Variants in TMEM63A observed in about 807,000 individuals in gnomAD.
TMEM63A encodes mechanosensitive cation channel TMEM63A.
In TMEM63A, 76 loss-of-function variants were observed where a neutral mutation model predicts 100.6. The observed-to-expected ratio is 0.76, with a 90% CI of 0.63 to 0.91. The LOEUF is 0.91. Ranked by LOEUF, TMEM63A falls within the 40% of genes least tolerant of loss-of-function variation. The pLI, the probability that TMEM63A is intolerant of heterozygous loss-of-function variation, is 0.00. For missense variants in TMEM63A, 876 were observed against 1,008.8 expected (o/e 0.87, Z 1.78); for synonymous variants, 401 against 401.1 (o/e 1.00, Z 0.00).
chr1:225,842,313 A>G, downstream of TMEM63A: 2 of 1,339,660 alleles, frequency 1.5e-6, no homozygotes, highest in South Asian at 2.3e-5. Flanking sequence ...CTGAAGCTCC[A>G]GCTCTCTGGT....
chr1:225,864,802 A>AAAT (rs1407002392), intron 10 of TMEM63A: 1 of 152,254 alleles, frequency 6.6e-6, no homozygotes, highest in African/African-American at 2.4e-5. Context: ...TCCATGCAAC[A>AAAT]AATTAGTGGC....
At chr1:225,842,396 T>C (rs1488205715), downstream of TMEM63A, 1 of 1,614,096 alleles carries the variant, frequency 6.2e-7, no homozygotes, top group Non-Finnish European at 8.5e-7. Context: ...CCTGTGGGTC[T>C]GGCTGCCTAT....
chr1:225,864,606 A>G lies in TMEM63A; in HGVS notation c.746+1291T>C, dbSNP rs374738722. On this transcript the variant is annotated intron_variant, in intron 10 of 24. Transcript: ENST00000366835. ...GCAGGCAACTTTGAGGAGTTGCTTC[A>G]AGGAAATACAGAAAAATGATTCTGG... is the stretch of plus-strand genomic sequence containing the variant. 81 of 152,336 alleles carry G rather than the reference A, an allele frequency of 5.3e-4. 2 individuals carry two copies. The highest frequency in any genetic ancestry group is 1.8e-3 in the African/African-American group (76 of 41,578). 9.4% of individuals were successfully genotyped at this position (152,336 alleles called of 1,614,324 possible).
intron 6 of TMEM63A, among the ~76,000 whole-genome samples, chr1:225,870,184 T>A (rs780021184): frequency 6.6e-6 from 1 of 151,928 alleles, no homozygotes; most frequent in Non-Finnish European, 1.5e-5. Flanking sequence ...ACCCTGTCTC[T>A]ACTAAAAATA....
At chr1:225,857,513 T>C (rs1300617889) in intron 15 of TMEM63A, among the ~76,000 whole-genome samples, 1 of 151,938 alleles carries the variant, frequency 6.6e-6, no homozygotes, top group Non-Finnish European at 1.5e-5. Context: ...CTTATTACTG[T>C]CACTGATTAG....
At chr1:225,851,858 G>A (rs1669356688) in intron 20 of TMEM63A, among the ~76,000 whole-genome samples, 1 of 152,232 alleles carries the variant, frequency 6.6e-6, no homozygotes, top group Admixed American at 6.5e-5. Context: ...AGTTGCAGAT[G>A]TTTTATTTCA....
chr1:225,874,251 C>A, intron 4 of TMEM63A, 37 bp downstream of exon 4: 2 of 1,596,216 alleles, frequency 1.3e-6, no homozygotes, highest in South Asian at 1.1e-5. Context: ...CACACGTACG[C>A]ACACGCATGC....
intron 23 of TMEM63A, among the ~76,000 whole-genome samples, chr1:225,847,977 C>G (rs755257002): frequency 8.5e-5 from 13 of 152,144 alleles, no homozygotes; most frequent in Non-Finnish European, 1.5e-4. Context: ...GAGCAGGACC[C>G]TGGAGGCTGT....
chr1:225,847,888 G>A (rs1245497261), intron 23 of TMEM63A, among the ~76,000 whole-genome samples: 1 of 152,160 alleles, frequency 6.6e-6, no homozygotes, highest in African/African-American at 2.4e-5. Context: ...GCTCTGTCCT[G>A]GCCACGGCTG....
chr1:225,845,928 A>C lies in TMEM63A; in HGVS notation c.*1011T>G, dbSNP rs1576057885. Reference sequence around the variant, plus strand: ...TAGGAGCCTGGACCTGCTCTTCCACACCCCCATCCCGCCCCTACTGCACAG... The same window carrying C: ...TAGGAGCCTGGACCTGCTCTTCCACCCCCCCATCCCGCCCCTACTGCACAG... On this transcript the variant is annotated 3_prime_UTR_variant, in exon 25 of 25. Coordinates refer to ENST00000366835, the MANE Select transcript of TMEM63A (RefSeq NM_014698.3). 5.9e-6 allele frequency: 1 copy of C among 168,558 alleles called. No individual in the cohort carries two copies. The highest frequency in any genetic ancestry group is 1.3e-5 in the Non-Finnish European group (1 of 77,122). The allele number at this position is 168,558 out of a possible 1,614,324, so 10.4% of individuals were successfully genotyped here. A position where few individuals can be genotyped will look rare whatever the true frequency, so the allele number is the denominator to read the frequency against.
rs374888002 is a variant in TMEM63A at position 225,862,536 on chromosome 1, C to T, written c.870G>A (p.Gln290=). Reference sequence around the variant, plus strand: ...TGAGGGTCCGCTGGCCTGTCTTCACCTGCAGGTTTGTGTAATAGGTCAGGC... The same window carrying T: ...TGAGGGTCCGCTGGCCTGTCTTCACTTGCAGGTTTGTGTAATAGGTCAGGC... ...EKSLTYYTNL[Q]VKTGQRTLIN... Residue 290 remains glutamine, a synonymous_variant, in exon 12 of 25, where the codon CAG becomes CAA. Coordinates refer to ENST00000366835, the MANE Select transcript of TMEM63A (RefSeq NM_014698.3). The surrounding 1 kb of genome is among the most constrained non-coding windows in gnomAD (Gnocchi z 5.1). 8.7e-6 allele frequency: 14 copies of T among 1,613,978 alleles called. No homozygotes were observed. Among genetic ancestry groups the T allele is most frequent in the African/African-American group, 2.7e-5 (2 of 74,912 alleles).
In TMEM63A at chr1:225,852,738, A is replaced by G. The variant is rs1454975259; in HGVS notation, c.1829T>C (p.Met610Thr). Residue 610 changes from methionine (M) to threonine (T), a missense_variant, in exon 20 of 25, where the codon ATG becomes ACG. Physicochemically the swap from Met to Thr is moderately conservative, Grantham distance 81. This residue lies in a region of TMEM63A where 339 missense variants were observed against 342.3 expected (regional missense o/e 0.99). Transcript: ENST00000366835. ...NQAFQYEFGA[M>T]YAWMLCVFTV... is the part of the protein sequence containing the mutation. ...GAAGACACACAGCATCCATGCATAC[A>G]TGGCTCCAAACTCGTACTGGAAGGC... 3.1e-6 allele frequency: 5 copies of G among 1,614,070 alleles called. No individual in the cohort carries two copies. The highest frequency in any genetic ancestry group is 1.7e-5 in the Admixed American group (1 of 60,028).
chr1:225,876,680 C>G (rs1387443329), intron 3 of TMEM63A, among the ~76,000 whole-genome samples: 1 of 150,550 alleles, frequency 6.6e-6, no homozygotes, highest in Non-Finnish European at 1.5e-5. Context: ...CAGCGTCTCG[C>G]TCTTGTTGCA....
In TMEM63A at chr1:225,867,948, C is replaced by T. The variant is rs765218554; in HGVS notation, c.454G>A (p.Val152Met). 1.1e-5 allele frequency: 18 copies of T among 1,614,044 alleles called. No individual in the cohort carries two copies. Among genetic ancestry groups the T allele is most frequent in the Non-Finnish European group, 1.1e-5 (13 of 1,180,046 alleles). Residue 152 changes from valine to methionine, a missense_variant, in exon 7 of 25, where the codon GTG (valine) becomes ATG (methionine). Coordinates refer to ENST00000366835, the MANE Select transcript of TMEM63A (RefSeq NM_014698.3). This position sits in a 1 kb window ranked among gnomAD's most constrained non-coding sequence, Gnocchi z 4.6. ...FQRHIIFLLVVVSFLSLCVIL... is the reference protein window; with the variant it reads ...FQRHIIFLLVMVSFLSLCVIL... ...ACACACAGGGACAAAAAGCTGACCA[C>T]CACCAACAGGAAGATGATGTGCCTC... is the stretch of plus-strand genomic sequence containing the variant.
rs1258465108 is a variant in TMEM63A at position 225,855,939 on chromosome 1, G to A, written c.1573C>T (p.Leu525=). 6 of 1,613,796 alleles carry A rather than the reference G, an allele frequency of 3.7e-6. No individual in the cohort carries two copies. The highest frequency in any genetic ancestry group is 5.1e-6 in the Non-Finnish European group (6 of 1,179,920). Residue 525 remains leucine (L), a splice_region_variant and synonymous_variant, in exon 18 of 25, where the codon CTA becomes TTA. Coordinates refer to ENST00000366835, the MANE Select transcript of TMEM63A (RefSeq NM_014698.3). ...AAGAGCCACCGGAAGAAAAAATCTAGACTGAAAAACAAAGGAACCCCCTAA... is the reference window on the plus strand; with the variant it reads ...AAGAGCCACCGGAAGAAAAAATCTAAACTGAAAAACAAAGGAACCCCCTAA... ...LILPSLGLTS[L]DFFFRWLFDK...
At position 225,846,564 on chromosome 1, in the gene TMEM63A, C is replaced by T; in HGVS notation, c.*375G>A. The stretch of plus-strand genomic sequence containing the variant: ...GCTGGATGCCAGCGGGACCTCAGAC[C>T]TGGACTGCAGCATCTCTTTGGTTAT... On this transcript the variant is annotated 3_prime_UTR_variant, in exon 25 of 25. Transcript: ENST00000366835. 6.5e-6 allele frequency: 1 copy of T among 154,376 alleles called. No individual in the cohort carries two copies. Among genetic ancestry groups the T allele is most frequent in the Non-Finnish European group, 1.4e-5 (1 of 69,524 alleles). The allele number at this position is 154,376 out of a possible 1,614,324, so 9.6% of individuals were successfully genotyped here.
chr1:225,845,350 C>T (rs1226829028), downstream of TMEM63A: 4 of 1,600,926 alleles, frequency 2.5e-6, no homozygotes, highest in Non-Finnish European at 3.4e-6. Flanking sequence ...GGCAATGACC[C>T]ACCCCTCTCC....
chr1:225,877,613 G>A lies in TMEM63A; in HGVS notation c.-14-19C>T. 6.3e-7 allele frequency: 1 copy of A among 1,592,622 alleles called. No individual in the cohort carries two copies. The highest frequency in any genetic ancestry group is 8.6e-7 in the Non-Finnish European group (1 of 1,166,832). ...GTCTTCCCTGGAGCACAGGACAACA[G>A]GACAAGGCAGACGTTCAGGGCTCAA... is the stretch of plus-strand genomic sequence containing the variant. On this transcript the variant is annotated intron_variant, in intron 2 of 24. Transcript: ENST00000366835.
chr1:225,867,033 C>G lies in TMEM63A; in HGVS notation c.566+79G>C, dbSNP rs1670250820. 6.6e-7 allele frequency: 1 copy of G among 1,503,890 alleles called. No homozygotes were observed. The highest frequency in any genetic ancestry group is 1.1e-5 in the South Asian group (1 of 88,786). 93.2% of individuals were successfully genotyped at this position (1,503,890 alleles called of 1,614,324 possible). A position where few individuals can be genotyped will look rare whatever the true frequency, so the allele number is the denominator to read the frequency against. Reference sequence around the variant, plus strand: ...CCAGCCGGCCCCCTTTGGAGTACCTCTGGCCTGCCCCGGGCTCCTGACCTG... The same window carrying G: ...CCAGCCGGCCCCCTTTGGAGTACCTGTGGCCTGCCCCGGGCTCCTGACCTG... On this transcript the variant is annotated intron_variant, in intron 8 of 24. Transcript: ENST00000366835. This position sits in a 1 kb window ranked among gnomAD's most constrained non-coding sequence, Gnocchi z 4.6.
Sources: gnomAD v4.1 joint callset for allele counts (sites outside exome capture counted in the v4.1 genomes callset) on GRCh38, gnomAD v4.1.1 for gene constraint, gnomAD v4.1.1 regional missense constraint, Gnocchi (gnomAD v3.1) non-coding constraint, MANE v1.5 for transcripts, NCBI Gene and HGNC (gene_info 2026-07-23, HGNC 2026-07-21) for gene names.